CUL2: variants seen among roughly 807,000 people sequenced by gnomAD.
The protein encoded by CUL2 is cullin-2.
CUL2 carries 22 observed loss-of-function variants against 110.2 expected under a neutral mutation model. The observed-to-expected ratio is 0.20, with a 90% CI of 0.14 to 0.28. The LOEUF (loss-of-function observed/expected upper bound fraction) is 0.28. Ranked by LOEUF, CUL2 falls within the 10% of genes least tolerant of loss-of-function variation. The pLI, the probability that CUL2 is intolerant of heterozygous loss-of-function variation, is 1.00. For missense variants in CUL2, 631 were observed against 905.5 expected (o/e 0.70, Z 3.89); for synonymous variants, 279 against 293.2 (o/e 0.95, Z 0.49).
At chr10:35,033,036 A>C (rs903591045) in intron 11 of CUL2, 130 bp downstream of exon 11, 1 of 445,568 alleles carries the variant, frequency 2.2e-6, no homozygotes, top group African/African-American at 2.0e-5. Context: ...TCTATTTTGA[A>C]TTTCATATCA....
chr10:35,062,047 G>A (rs999001031), intron 3 of CUL2, among the ~76,000 whole-genome samples: 8 of 152,154 alleles, frequency 5.3e-5, no homozygotes, highest in African/African-American at 1.9e-4. Flanking sequence ...TGAGTTGCCC[G>A]TGGTTACAAC....
chr10:35,111,694 C>T (rs1450245515), intron 1 of CUL2, among the ~76,000 whole-genome samples: 1 of 152,140 alleles, frequency 6.6e-6, no homozygotes, highest in East Asian at 1.9e-4. Context: ...TCCAGACCAG[C>T]CTGGCCAACA....
chr10:35,089,473 C>T (rs527319487), intron 1 of CUL2, among the ~76,000 whole-genome samples: 21 of 152,316 alleles, frequency 1.4e-4, no homozygotes, highest in South Asian at 8.3e-4. Flanking sequence ...CTATAGCGAA[C>T]GTTAATATTT....
At chr10:35,114,525 GGCGCCC>G (rs2087567745) in intron 1 of CUL2, among the ~76,000 whole-genome samples, 1 of 151,686 alleles carries the variant, frequency 6.6e-6, no homozygotes, top group African/African-American at 2.4e-5. Context: ...TGGGATTACA[GGCGCCC>G]GCCACCACAC....
At chr10:35,057,223 T>A (rs2086260020) in intron 4 of CUL2, among the ~76,000 whole-genome samples, 1 of 152,274 alleles carries the variant, frequency 6.6e-6, no homozygotes, top group South Asian at 2.1e-4. Context: ...AGTGCAGCTT[T>A]ACATGCTTTG....
intron 1 of CUL2, among the ~76,000 whole-genome samples, chr10:35,072,458 T>C (rs2086704434): frequency 6.6e-6 from 1 of 151,636 alleles, no homozygotes; most frequent in South Asian, 2.1e-4. Context: ...AACCTTCACC[T>C]CCCAGGTTCA....
intron 5 of CUL2, among the ~76,000 whole-genome samples, chr10:35,053,656 G>T (rs761604695): frequency 2.6e-5 from 4 of 152,210 alleles, no homozygotes; most frequent in Non-Finnish European, 5.9e-5. Flanking sequence ...TTGGTCAAAA[G>T]GTATTAAGTA....
In CUL2 at chr10:35,029,608, T is replaced by C. The variant is rs1445445693; in HGVS notation, c.1419A>G (p.Leu473=). The change falls in exon 15 of 21, where the codon CTA becomes CTG. Residue 473 remains leucine, a synonymous_variant. Coordinates refer to ENST00000374749, the MANE Select transcript of CUL2 (RefSeq NM_003591.4). The stretch of plus-strand genomic sequence containing the variant: ...CACTCATATCTGTATACATCCGATG[T>C]AGCTTGCTGGTAAACTCATAACCAC... ...QACGYEFTSK[L]HRMYTDMSVS... 1.3e-6 allele frequency: 2 copies of C among 1,591,950 alleles called. No homozygotes were observed. Among genetic ancestry groups the C allele is most frequent in the Admixed American group, 1.9e-5 (1 of 53,102 alleles).
intron 2 of CUL2, among the ~76,000 whole-genome samples, chr10:35,067,015 A>G (rs2086545874): frequency 3.3e-5 from 5 of 151,924 alleles, no homozygotes; most frequent in Admixed American, 3.3e-4. Context: ...TAGGTGTGGT[A>G]GCGCATGCCT....
chr10:35,086,715 T>C (rs1811836845), intron 1 of CUL2, among the ~76,000 whole-genome samples: 1 of 151,408 alleles, frequency 6.6e-6, no homozygotes, highest in South Asian at 2.1e-4. Context: ...GCGAACACCA[T>C]CTCAAAATAA....
At chr10:35,018,518 C>T (rs1265110722) in intron 17 of CUL2, among the ~76,000 whole-genome samples, 1 of 151,832 alleles carries the variant, frequency 6.6e-6, no homozygotes, top group Non-Finnish European at 1.5e-5. Context: ...AATCCCAGCA[C>T]TTTGGGAGGC....
rs1279499744 is a variant in CUL2 at position 35,074,161 on chromosome 10, T to C, written c.-22-2822A>G. 7.2e-6 allele frequency: 11 copies of C among 1,532,360 alleles called. 1 individual carries two copies. The highest frequency in any genetic ancestry group is 2.4e-5 in the South Asian group (2 of 83,994). The allele number at this position is 1,532,360 out of a possible 1,614,324, so 94.9% of individuals were successfully genotyped here. On this transcript the variant is annotated intron_variant, in intron 1 of 20. Transcript: ENST00000374749. ...ACTTCAAGATCAGAATCTCAGATCT[T>C]GCCCTTATCAAAGACACAAAAATAA...
intron 1 of CUL2, among the ~76,000 whole-genome samples, chr10:35,073,344 T>C (rs530512884): frequency 1.1e-4 from 17 of 152,334 alleles, no homozygotes; most frequent in Admixed American, 1.0e-3. Flanking sequence ...TGCCTCCTTC[T>C]CTTCCTTGTT....
rs1265358909 is a variant in CUL2, at chr10:35,118,672, T to A, written c.-51+7933A>T. 3 of 22,716 alleles carry A rather than the reference T, an allele frequency of 1.3e-4. No individual in the cohort carries two copies. In the East Asian group the frequency reaches 5.6e-3, roughly 42 times the overall value. The allele number at this position is 22,716 out of a possible 1,614,324, so 1.4% of individuals were successfully genotyped here. On this transcript the variant is annotated intron_variant, in intron 1 of 5. Transcript: ENST00000685421. ...CTCATGGTCCTCAGATGTTTCATGATTTTCCCTCTGTGCTCATTGCTCATA... is the reference window on the plus strand; with the variant it reads ...CTCATGGTCCTCAGATGTTTCATGAATTTCCCTCTGTGCTCATTGCTCATA...
At chr10:35,111,256 ATTT>A (rs767165082) in intron 1 of CUL2, among the ~76,000 whole-genome samples, 1 of 145,122 alleles carries the variant, frequency 6.9e-6, no homozygotes. Context: ...TTATGAGAAG[ATTT>A]TTTTTTTTTT....
chr10:35,070,606 A>G (rs1387108807), intron 2 of CUL2, among the ~76,000 whole-genome samples: 1 of 151,904 alleles, frequency 6.6e-6, no homozygotes, highest in African/African-American at 2.4e-5. Flanking sequence ...GTTACATAAA[A>G]CTCTCAATTC....
intron 1 of CUL2, among the ~76,000 whole-genome samples, chr10:35,078,272 A>G (rs1349779130): frequency 6.6e-6 from 1 of 151,812 alleles, no homozygotes; most frequent in Non-Finnish European, 1.5e-5. Flanking sequence ...TAAAAAATAT[A>G]TATGTTTGTT....
At chr10:35,021,154 T>TAC (rs1425879303) in intron 17 of CUL2, among the ~76,000 whole-genome samples, 1 of 152,058 alleles carries the variant, frequency 6.6e-6, no homozygotes, top group East Asian at 1.9e-4. Flanking sequence ...GGGAGCACAT[T>TAC]ACAGTCTCTG....
intron 10 of CUL2, among the ~76,000 whole-genome samples, chr10:35,034,655 T>A (rs545316964): frequency 1.3e-5 from 2 of 152,072 alleles, no homozygotes; most frequent in South Asian, 2.1e-4. Flanking sequence ...AGTCATGTGA[T>A]TGGCAAAGTA....
Sources: allele counts gnomAD v4.1 joint callset (sites outside exome capture counted in the v4.1 genomes callset), GRCh38; gene constraint gnomAD v4.1.1; transcripts MANE v1.5; gene names NCBI Gene and HGNC (gene_info 2026-07-23, HGNC 2026-07-21).